PIP5K1B: variants seen among roughly 807,000 people sequenced by gnomAD.
PIP5K1B encodes the protein phosphatidylinositol-4-phosphate 5-kinase type 1 beta.
Under a neutral mutation model 67.0 loss-of-function variants are expected in PIP5K1B, and 42 were observed. The ratio of observed to expected loss-of-function variants is 0.63; its 90% CI spans 0.49 to 0.81. The LOEUF is 0.81. PIP5K1B is among the 30% of genes least tolerant of loss of function. The pLI, the probability that PIP5K1B is intolerant of heterozygous loss-of-function variation, is 0.00. For missense variants in PIP5K1B, 459 were observed against 646.3 expected (o/e 0.71, Z 3.14); for synonymous variants, 214 against 231.4 (o/e 0.92, Z 0.68).
intron 1 of PIP5K1B, among the ~76,000 whole-genome samples, chr9:68,725,480 A>G (rs1828106925): frequency 6.6e-6 from 1 of 152,174 alleles, no homozygotes. Flanking sequence ...TTTATTTTGT[A>G]AGAATTGCAG....
chr9:68,757,620 C>G (rs1309869977), intron 2 of PIP5K1B, among the ~76,000 whole-genome samples: 1 of 152,138 alleles, frequency 6.6e-6, no homozygotes, highest in Non-Finnish European at 1.5e-5. Context: ...TAAGAATGCT[C>G]TGACCATGTG....
chr9:68,721,429 G>A (rs1280486620), intron 1 of PIP5K1B, among the ~76,000 whole-genome samples: 1 of 152,186 alleles, frequency 6.6e-6, no homozygotes, highest in African/African-American at 2.4e-5. Flanking sequence ...GGTAGTAGTA[G>A]ATGATTCTCT....
chr9:68,892,702 T>C (rs1824859278), intron 7 of PIP5K1B, among the ~76,000 whole-genome samples: 1 of 152,108 alleles, frequency 6.6e-6, no homozygotes, highest in South Asian at 2.1e-4. Context: ...AAAAGCTTTG[T>C]TAAACAAAAA....
At chr9:68,940,857 ATC>A (rs1827525742) in intron 14 of PIP5K1B, 67 bp downstream of exon 14, 1 of 1,425,300 alleles carries the variant, frequency 7.0e-7, no homozygotes. Context: ...CTGAACCAGT[ATC>A]TCTGAATGAG....
intron 2 of PIP5K1B, among the ~76,000 whole-genome samples, chr9:68,771,884 A>G (rs1040830481): frequency 2.6e-5 from 4 of 152,206 alleles, no homozygotes; most frequent in Non-Finnish European, 5.9e-5. Flanking sequence ...TACAGGTGAA[A>G]AAGTTGTGGA....
At chr9:68,867,010 C>T (rs944700987) in intron 5 of PIP5K1B, among the ~76,000 whole-genome samples, 1 of 152,172 alleles carries the variant, frequency 6.6e-6, no homozygotes, top group Non-Finnish European at 1.5e-5. Context: ...GCTCTGCTGC[C>T]ACGTAGGATG....
At position 68,853,353 on chromosome 9, in the gene PIP5K1B, A is replaced by G. The variant is rs143955412; in HGVS notation, c.70-10484A>G. Reference sequence around the variant, plus strand: ...CTCTATGAAAGGGCCTGGCTGGCCCACTGTGAGATATGGAAGAGGAAATTT... The same window carrying G: ...CTCTATGAAAGGGCCTGGCTGGCCCGCTGTGAGATATGGAAGAGGAAATTT... On this transcript the variant is annotated intron_variant, in intron 4 of 15. Coordinates refer to ENST00000265382, the MANE Select transcript of PIP5K1B (RefSeq NM_003558.4). Among the ~76,000 whole-genome samples, 163 of 152,334 alleles carry G rather than the reference A, an allele frequency of 1.1e-3. 1 individual carries two copies. Among genetic ancestry groups the G allele is most frequent in the African/African-American group, 3.8e-3 (156 of 41,578 alleles).
intron 12 of PIP5K1B, among the ~76,000 whole-genome samples, chr9:68,924,618 GAT>G (rs1259127375): frequency 2.0e-5 from 3 of 151,836 alleles, no homozygotes; most frequent in Non-Finnish European, 2.9e-5. Flanking sequence ...AAGTTTTTAA[GAT>G]ATGTGAAAGG....
chr9:68,810,671 G>T (rs142888809), intron 2 of PIP5K1B, among the ~76,000 whole-genome samples: 2 of 152,040 alleles, frequency 1.3e-5, no homozygotes, highest in South Asian at 2.1e-4. Context: ...AGGTTGAAAG[G>T]GTTGCTTCTG....
intron 15 of PIP5K1B, among the ~76,000 whole-genome samples, chr9:69,004,891 A>T (rs185516382): frequency 6.6e-6 from 1 of 152,202 alleles, no homozygotes. Flanking sequence ...AAGCAAGAAG[A>T]CGCTGTGCTT....
chr9:68,708,339 A>G (rs1434519707), intron 1 of PIP5K1B, among the ~76,000 whole-genome samples: 1 of 152,250 alleles, frequency 6.6e-6, no homozygotes, highest in African/African-American at 2.4e-5. Context: ...TAAGGAAAAC[A>G]TATGCTGTAA....
intron 2 of PIP5K1B, among the ~76,000 whole-genome samples, chr9:68,815,152 A>G (rs566231540): frequency 9.2e-5 from 14 of 152,240 alleles, no homozygotes; most frequent in African/African-American, 3.1e-4. Flanking sequence ...AAAATCAAAT[A>G]CAAAATGACA....
At chr9:68,912,042 A>G (rs1198511109) in intron 8 of PIP5K1B, among the ~76,000 whole-genome samples, 1 of 152,194 alleles carries the variant, frequency 6.6e-6, no homozygotes, top group East Asian at 1.9e-4. Context: ...TCTCAAATCT[A>G]TCCACTTCTC....
intron 2 of PIP5K1B, chr9:68,781,188 C>T (rs972644513): frequency 3.2e-5 from 31 of 972,342 alleles, no homozygotes; most frequent in Non-Finnish European, 4.6e-5. Flanking sequence ...ACTTCTATGT[C>T]AGGTTCCTTT....
At chr9:68,831,563 C>T (rs1182753960) in intron 4 of PIP5K1B, among the ~76,000 whole-genome samples, 3 of 152,178 alleles carry the variant, frequency 2.0e-5, no homozygotes, top group African/African-American at 7.2e-5. Context: ...GCTGTGGTGT[C>T]TGGAGGGCAG....
chr9:68,805,447 G>C lies in PIP5K1B; in HGVS notation c.-85-13014G>C, dbSNP rs527380270. ...TCACAATGCTGAGTGCAGGGACTGC[G>C]TATGGTGTGCCAGGAACATTGGAGT... On this transcript the variant is annotated intron_variant, in intron 2 of 15. Transcript: ENST00000265382. Among the ~76,000 whole-genome samples, 15 of 152,342 alleles carry C rather than the reference G, an allele frequency of 9.8e-5. No homozygotes were observed. In the East Asian group the frequency reaches 2.9e-3, roughly 29 times the overall value.
In PIP5K1B at chr9:68,765,392, G is replaced by C. The variant is rs1305476758; in HGVS notation, c.-86+22735G>C. On this transcript the variant is annotated intron_variant, in intron 2 of 15. Transcript: ENST00000265382. The stretch of plus-strand genomic sequence containing the variant: ...GTGTACCTGTGCTGTACTGAATTCT[G>C]TGTTCTAGCAAATATTTCATAATGA... Among the ~76,000 whole-genome samples the C allele has an allele frequency of 2.0e-5, 3 of 151,980 alleles. No homozygotes were observed. In the East Asian group the frequency reaches 5.8e-4, roughly 29 times the overall value.
intron 4 of PIP5K1B, among the ~76,000 whole-genome samples, chr9:68,831,735 G>A (rs569441994): frequency 3.3e-5 from 5 of 152,184 alleles, no homozygotes; most frequent in South Asian, 2.1e-4. Context: ...GAGTGCAGTG[G>A]TGTGATCTCA....
intron 14 of PIP5K1B, among the ~76,000 whole-genome samples, chr9:68,949,634 A>T (rs938170769): frequency 6.6e-6 from 1 of 152,194 alleles, no homozygotes; most frequent in African/African-American, 2.4e-5. Context: ...CCCTAAGCAA[A>T]AGTGACTTTT....
Sources: allele counts gnomAD v4.1 joint callset (sites outside exome capture counted in the v4.1 genomes callset), GRCh38; gene constraint gnomAD v4.1.1; transcripts MANE v1.5; gene names NCBI Gene and HGNC (gene_info 2026-07-23, HGNC 2026-07-21).